The following EYA1 variants were observed in gnomAD, a reference collection of about 807,000 sequenced individuals.
The protein encoded by EYA1 is protein phosphatase EYA1.
Under a neutral mutation model 82.0 loss-of-function variants are expected in EYA1, and 16 were observed. That is an observed-to-expected ratio of 0.20 (90% CI 0.13 to 0.30). The LOEUF (loss-of-function observed/expected upper bound fraction) is 0.30. Among genes scored for constraint, EYA1 ranks in the 10% least tolerant of loss-of-function variants. The probability of loss-of-function intolerance (pLI) is 1.00; values close to 1 mark genes in which losing one functional copy is unlikely to be tolerated. For missense variants in EYA1, 633 were observed against 730.7 expected, an observed-to-expected ratio of 0.87 and a Z score of 1.54; for synonymous variants, 261 against 264.4, an observed-to-expected ratio of 0.99 and a Z score of 0.12.
rs1305377551 is a variant in EYA1 at position 71,424,652 on chromosome 8, GC to G, written c.34-68142del. 4.6e-5 allele frequency among the ~76,000 whole-genome samples: 7 copies of G among 152,178 alleles called. 1 individual carries two copies. The highest frequency in any genetic ancestry group is 1.0e-4 in the Non-Finnish European group (7 of 68,032). On this transcript the variant is annotated intron_variant, in intron 2 of 18. Coordinates refer to the EYA1 transcript ENST00000643681. ...TCACCTTATCTGCCCAGCTGGAGAA[GC>G]CTGTTTCCAGTCTGGACATATTTTT...
rs1445969514 is a variant in EYA1 at position 71,377,483 on chromosome 8, C to A, written c.34-20972G>T. Among the ~76,000 whole-genome samples the A allele has an allele frequency of 2.0e-5, 3 of 152,184 alleles. No homozygotes were observed. The East Asian group carries it at 5.8e-4, about 29-fold the overall frequency. Reference sequence around the variant, plus strand: ...TATCCATCATTACATTGAAGTCACTCTTGCAAATGATTCCAATCGCAAGGA... The same window carrying A: ...TATCCATCATTACATTGAAGTCACTATTGCAAATGATTCCAATCGCAAGGA... On this transcript the variant is annotated intron_variant, in intron 2 of 18. Transcript: ENST00000643681.
chr8:71,383,522 G>A (rs991644222), intron 2 of EYA1, among the ~76,000 whole-genome samples: 5 of 151,962 alleles, frequency 3.3e-5, no homozygotes, highest in Non-Finnish European at 7.4e-5. Flanking sequence ...GCATCAAAAT[G>A]AATAAACTAA....
intron 6 of EYA1, among the ~76,000 whole-genome samples, chr8:71,320,476 T>C (rs2129029704): frequency 6.6e-6 from 1 of 152,302 alleles, no homozygotes; most frequent in South Asian, 2.1e-4. Context: ...TGAAAGTAAA[T>C]TCCAGCTAAA....
At chr8:71,525,269 T>A (rs991022334) in intron 2 of EYA1, among the ~76,000 whole-genome samples, 12 of 152,222 alleles carry the variant, frequency 7.9e-5, no homozygotes, top group Non-Finnish European at 1.5e-4. Flanking sequence ...GTTACTGTTT[T>A]ATTGATACAA....
chr8:71,339,069 T>G (rs1285237190), intron 3 of EYA1, among the ~76,000 whole-genome samples: 1 of 152,200 alleles, frequency 6.6e-6, no homozygotes, highest in African/African-American at 2.4e-5. Context: ...AATGTTCAGC[T>G]GCACCCATGC....
At chr8:71,475,903 G>C (rs564833345) in intron 2 of EYA1, among the ~76,000 whole-genome samples, 2 of 152,028 alleles carry the variant, frequency 1.3e-5, no homozygotes, top group Non-Finnish European at 2.9e-5. Context: ...GACATTTTTA[G>C]TTATCACTAA....
At chr8:71,419,130 G>C (rs1831010859) in intron 2 of EYA1, among the ~76,000 whole-genome samples, 1 of 151,938 alleles carries the variant, frequency 6.6e-6, no homozygotes, top group Non-Finnish European at 1.5e-5. Context: ...AATATTGGAG[G>C]GTTTGAGCAG....
intron 2 of EYA1, among the ~76,000 whole-genome samples, chr8:71,480,654 A>G (rs971612725): frequency 6.6e-6 from 1 of 152,176 alleles, no homozygotes; most frequent in Non-Finnish European, 1.5e-5. Flanking sequence ...ATTTCTCAGC[A>G]CTATGGATTC....
At chr8:71,257,619 T>C (rs892640973) in intron 11 of EYA1, among the ~76,000 whole-genome samples, 7 of 152,364 alleles carry the variant, frequency 4.6e-5, no homozygotes, top group African/African-American at 1.4e-4. Context: ...ATTTGGAATA[T>C]ACACAAGAAT....
At chr8:71,342,569 C>T (rs1033438636) in intron 3 of EYA1, among the ~76,000 whole-genome samples, 1 of 152,078 alleles carries the variant, frequency 6.6e-6, no homozygotes, top group African/African-American at 2.4e-5. Flanking sequence ...GAGAATGAAG[C>T]CCTCTAACAC....
rs1838621 is a variant in EYA1, at chr8:71,355,206, A to G, written c.-4-297T>C. Reference sequence around the variant, plus strand: ...GGTCTAATGTGAGACAATGACATCTATTATAATTTTCAAAGAAAAAATACA... The same window carrying G: ...GGTCTAATGTGAGACAATGACATCTGTTATAATTTTCAAAGAAAAAATACA... On this transcript the variant is annotated intron_variant, in intron 2 of 17. Transcript: ENST00000340726. Among the ~76,000 whole-genome samples, 41,823 of 152,182 alleles carry G rather than the reference A, an allele frequency of 0.27. 7,054 individuals carry two copies. Among genetic ancestry groups the G allele is most frequent in the Middle Eastern group, 0.43 (126 of 292 alleles).
At chr8:71,497,545 G>A (rs1444998421) in intron 2 of EYA1, among the ~76,000 whole-genome samples, 2 of 151,908 alleles carry the variant, frequency 1.3e-5, no homozygotes, top group Non-Finnish European at 2.9e-5. Flanking sequence ...CTGTTAGAAT[G>A]GCTATTTTAA....
At chr8:71,407,689 A>G (rs1255179786) in intron 2 of EYA1, among the ~76,000 whole-genome samples, 7 of 121,630 alleles carry the variant, frequency 5.8e-5, no homozygotes, top group African/African-American at 2.4e-4. Context: ...ATAAAAAGAA[A>G]TGAGCAAAGC....
chr8:71,421,078 A>G (rs1236208090), intron 2 of EYA1, among the ~76,000 whole-genome samples: 4 of 152,190 alleles, frequency 2.6e-5, no homozygotes, highest in African/African-American at 9.6e-5. Flanking sequence ...TTTGGGACAA[A>G]TACTACAATC....
At chr8:71,263,359 G>A (rs1207205761) in intron 11 of EYA1, among the ~76,000 whole-genome samples, 2 of 152,150 alleles carry the variant, frequency 1.3e-5, no homozygotes, top group East Asian at 3.8e-4. Context: ...TGATGAAAAT[G>A]GCACTACTAT....
intron 3 of EYA1, among the ~76,000 whole-genome samples, chr8:71,353,835 C>G (rs978421766): frequency 7.2e-5 from 11 of 152,040 alleles, no homozygotes; most frequent in African/African-American, 2.7e-4. Context: ...GGATGGAATT[C>G]TAACATGGAT....
intron 2 of EYA1, among the ~76,000 whole-genome samples, chr8:71,394,326 T>C (rs1374572632): frequency 1.3e-5 from 2 of 152,242 alleles, no homozygotes; most frequent in East Asian, 3.8e-4. Flanking sequence ...TTCGTTTTTG[T>C]TGCCATTGCT....
At chr8:71,207,480 C>T (rs1807947870) in intron 17 of EYA1, among the ~76,000 whole-genome samples, 1 of 152,186 alleles carries the variant, frequency 6.6e-6, no homozygotes, top group South Asian at 2.1e-4. Context: ...TACACATCCA[C>T]ACAGGCAGTT....
At chr8:71,388,461 G>A (rs528847222) in intron 2 of EYA1, among the ~76,000 whole-genome samples, 1 of 152,310 alleles carries the variant, frequency 6.6e-6, no homozygotes, top group Admixed American at 6.5e-5. Flanking sequence ...TCGGTTGTCT[G>A]TGAAGAACTT....
Sources: gnomAD v4.1 joint callset for allele counts (sites outside exome capture counted in the v4.1 genomes callset) on GRCh38, gnomAD v4.1.1 for gene constraint, MANE v1.5 for transcripts, NCBI Gene and HGNC (gene_info 2026-07-23, HGNC 2026-07-21) for gene names.